The following EPHA6 variants were observed in gnomAD, a reference collection of about 807,000 sequenced individuals.
The protein encoded by EPHA6 is ephrin type-A receptor 6.
EPHA6 carries 50 observed loss-of-function variants against 112.0 expected under a neutral mutation model. That is an observed-to-expected ratio of 0.45 (90% confidence interval 0.36 to 0.56). The LOEUF (loss-of-function observed/expected upper bound fraction) is 0.56, where lower values mean the gene tolerates loss of function less well. Ranked by LOEUF, EPHA6 falls within the 20% of genes least tolerant of loss-of-function variation. The pLI, the probability that EPHA6 is intolerant of heterozygous loss-of-function variation, is 0.00. For missense variants in EPHA6, 1,280 were observed against 1,417.4 expected (o/e 0.90, Z 1.56); for synonymous variants, 529 against 490.7 (o/e 1.08, Z -1.03).
intron 14 of EPHA6, among the ~76,000 whole-genome samples, chr3:97,693,735 G>A (rs1278171826): frequency 6.6e-6 from 1 of 152,162 alleles, no homozygotes; most frequent in Non-Finnish European, 1.5e-5. Flanking sequence ...CTGAACCCGG[G>A]AGGCGGAGCT....
intron 10 of EPHA6, among the ~76,000 whole-genome samples, chr3:97,517,725 G>T (rs1030287358): frequency 6.6e-6 from 1 of 151,928 alleles, no homozygotes; most frequent in African/African-American, 2.4e-5. Context: ...TATATACTTT[G>T]ATCAACACCT....
Position 97,747,523 on chromosome 3 carries a change from G to T in EPHA6, c.3229G>T (p.Val1077Leu). Reference sequence around the variant, plus strand: ...GATGGGGCAATACAAGAATAACTTCGTGGCAGCAGGGTTTACAACATTTGA... The same window carrying T: ...GATGGGGCAATACAAGAATAACTTCTTGGCAGCAGGGTTTACAACATTTGA... ...IKMGQYKNNF[V>L]AAGFTTFDLI... Residue 1077 changes from valine to leucine, a missense_variant, in exon 17 of 18, where the codon GTG (valine) becomes TTG (leucine). Val to Leu is a conservative substitution (Grantham distance 32, BLOSUM62 1). This residue lies in a region of EPHA6 where 145 missense variants were observed against 153.3 expected (regional missense o/e 0.95). Transcript: ENST00000389672. The T allele has an allele frequency of 1.2e-6, 2 of 1,610,792 alleles. No individual in the cohort carries two copies. Among genetic ancestry groups the T allele is most frequent in the East Asian group, 4.5e-5 (2 of 44,678 alleles).
At chr3:96,898,081 T>C (rs1431531308) in intron 2 of EPHA6, among the ~76,000 whole-genome samples, 1 of 152,200 alleles carries the variant, frequency 6.6e-6, no homozygotes, top group Non-Finnish European at 1.5e-5. Flanking sequence ...AAATCAATGT[T>C]GTTGAAGTTG....
At chr3:97,516,389 G>A (rs776410285) in intron 10 of EPHA6, among the ~76,000 whole-genome samples, 1 of 152,130 alleles carries the variant, frequency 6.6e-6, no homozygotes, top group Admixed American at 6.6e-5. Flanking sequence ...TGAATCAGAA[G>A]CATTAAAATA....
At chr3:97,087,654 G>C (rs146819564) in intron 3 of EPHA6, among the ~76,000 whole-genome samples, 1 of 152,260 alleles carries the variant, frequency 6.6e-6, no homozygotes, top group Non-Finnish European at 1.5e-5. Context: ...CCTTGATAAA[G>C]TGGAATGTGT....
chr3:97,387,843 T>A (rs1021378667), intron 5 of EPHA6, among the ~76,000 whole-genome samples: 1 of 152,214 alleles, frequency 6.6e-6, no homozygotes, highest in African/African-American at 2.4e-5. Context: ...AGAGGTTTAA[T>A]CAGCTTACAG....
At chr3:96,866,992 G>C (rs2036354472) in intron 2 of EPHA6, 103 bp downstream of exon 2, 1 of 561,256 alleles carries the variant, frequency 1.8e-6, no homozygotes, top group Non-Finnish European at 3.0e-6. Flanking sequence ...TATGAATTTT[G>C]ACATATAACT....
intron 12 of EPHA6, among the ~76,000 whole-genome samples, chr3:97,604,686 T>C (rs1290151991): frequency 6.6e-6 from 1 of 151,654 alleles, no homozygotes; most frequent in Non-Finnish European, 1.5e-5. Flanking sequence ...TCTCATTTTA[T>C]AGATGCAAAA....
chr3:97,398,933 T>C (rs563781537), intron 5 of EPHA6, among the ~76,000 whole-genome samples: 1 of 151,602 alleles, frequency 6.6e-6, no homozygotes, highest in South Asian at 2.1e-4. Flanking sequence ...ATACATCCCC[T>C]CAAACATTTA....
chr3:97,678,028 T>C (rs1267536391), intron 14 of EPHA6, among the ~76,000 whole-genome samples: 1 of 152,138 alleles, frequency 6.6e-6, no homozygotes, highest in African/African-American at 2.4e-5. Flanking sequence ...ACTGTATTCC[T>C]GGAGGGAGGA....
intron 14 of EPHA6, among the ~76,000 whole-genome samples, chr3:97,659,689 G>T (rs2094157848): frequency 6.6e-6 from 1 of 151,964 alleles, no homozygotes. Context: ...ATTTTCTTTT[G>T]TATTGGGAAA....
chr3:97,527,177 G>T (rs1050642009), intron 10 of EPHA6, among the ~76,000 whole-genome samples: 7 of 152,154 alleles, frequency 4.6e-5, no homozygotes, highest in African/African-American at 1.4e-4. Context: ...CCAGCCCTTT[G>T]GTGGATGCTT....
At chr3:97,270,279 C>T (rs976156375) in intron 5 of EPHA6, among the ~76,000 whole-genome samples, 4 of 152,262 alleles carry the variant, frequency 2.6e-5, no homozygotes, top group African/African-American at 9.6e-5. Context: ...ACACTTTCTA[C>T]TTTTCAAGTT....
chr3:97,176,843 C>G lies in EPHA6; in HGVS notation c.1115-49421C>G, dbSNP rs374629175. On this transcript the variant is annotated intron_variant, in intron 3 of 17. Transcript: ENST00000389672. The stretch of plus-strand genomic sequence containing the variant: ...TTTAACTTTTCAAAAAATGAGCTTT[C>G]TGTTTCATTGATCTTTTGTATTTTT... Among the ~76,000 whole-genome samples the G allele has an allele frequency of 1.2e-4, 18 of 151,174 alleles. No homozygotes were observed. In the South Asian group the frequency reaches 3.6e-3, roughly 30 times the overall value.
chr3:96,838,144 G>A (rs956158725), intron 1 of EPHA6, among the ~76,000 whole-genome samples: 2 of 150,828 alleles, frequency 1.3e-5, no homozygotes, highest in African/African-American at 4.9e-5. Context: ...GTGAGAGCAT[G>A]CAGTGTTGGA....
chr3:97,013,287 G>T (rs1440691309), intron 3 of EPHA6, among the ~76,000 whole-genome samples: 1 of 151,914 alleles, frequency 6.6e-6, no homozygotes, highest in African/African-American at 2.4e-5. Context: ...TATTCTTTGT[G>T]TAAAAGTATA....
At chr3:97,312,527 A>T (rs192063605) in intron 5 of EPHA6, among the ~76,000 whole-genome samples, 7 of 151,740 alleles carry the variant, frequency 4.6e-5, no homozygotes, top group Non-Finnish European at 8.9e-5. Context: ...CAACCAGTTA[A>T]GTATCTGCAA....
intron 3 of EPHA6, among the ~76,000 whole-genome samples, chr3:97,066,745 A>G (rs1234296842): frequency 6.6e-6 from 1 of 152,152 alleles, no homozygotes; most frequent in Non-Finnish European, 1.5e-5. Context: ...ATTTACAGGT[A>G]TCTGTTTTCA....
At position 97,482,222 on chromosome 3, in the gene EPHA6, CAT is replaced by C. The variant is rs1560055161; in HGVS notation, c.2075-1709_2075-1708del. Among the ~76,000 whole-genome samples the C allele has an allele frequency of 2.0e-5, 3 of 152,144 alleles. No homozygotes were observed. The South Asian group carries it at 6.2e-4, about 31-fold the overall frequency. ...TTGAATAGTTTAATAGTTAAAACCA[CAT>C]ATGAGTTAATAAATGATGCTTGTTA... On this transcript the variant is annotated intron_variant, in intron 9 of 17. Transcript: ENST00000389672.
Sources: allele counts gnomAD v4.1 joint callset (sites outside exome capture counted in the v4.1 genomes callset), GRCh38; gene constraint gnomAD v4.1.1; regional missense constraint gnomAD v4.1.1; transcripts MANE v1.5; gene names NCBI Gene and HGNC (gene_info 2026-07-23, HGNC 2026-07-21).